RPIA: variants seen among roughly 807,000 people sequenced by gnomAD.
The protein encoded by RPIA is ribose-5-phosphate isomerase.
A neutral mutation model predicts 37.8 loss-of-function variants in RPIA; 29 were observed. The observed-to-expected ratio is 0.77, with a 90% CI of 0.57 to 1.05. RPIA has a LOEUF of 1.05. Ranked by LOEUF, RPIA falls within the 50% of genes least tolerant of loss-of-function variation. RPIA has a pLI of 0.00. For missense variants in RPIA, 385 were observed against 413.6 expected (o/e 0.93, Z 0.60); for synonymous variants, 167 against 157.0 (o/e 1.06, Z -0.48).
At chr2:88,733,452 GGCA>G (rs1673277039) in intron 4 of RPIA, among the ~76,000 whole-genome samples, 1 of 152,210 alleles carries the variant, frequency 6.6e-6, no homozygotes, top group Non-Finnish European at 1.5e-5. Context: ...CAGAGCCAGG[GGCA>G]CAGGCTGATC....
At chr2:88,699,947 T>TA in intron 2 of RPIA, 62 bp from the exon 3 acceptor site, 7 of 1,551,410 alleles carry the variant, frequency 4.5e-6, no homozygotes, top group Non-Finnish European at 5.3e-6. Context: ...AGCAAACACA[T>TA]ATGACAAGAA....
At position 88,729,295 on chromosome 2, in the gene RPIA, G is replaced by C. The variant is rs1345576925; in HGVS notation, c.420G>C (p.Leu140=). 6.2e-7 allele frequency: 1 copy of C among 1,614,200 alleles called. No individual in the cohort carries two copies. The highest frequency in any genetic ancestry group is 8.5e-7 in the Non-Finnish European group (1 of 1,180,020). ...PTSFQARQLI[L]QYGLTLSDLD... is the part of the protein sequence containing the mutation. ...CTCCGCAGGCCCGCCAGCTCATCCT[G>C]CAGTATGGCTTGACCCTCAGTGATC... Residue 140 remains leucine, a synonymous_variant, in exon 4 of 9, where the codon CTG becomes CTC. Transcript: ENST00000283646.
intron 3 of RPIA, among the ~76,000 whole-genome samples, chr2:88,711,058 C>G (rs1326867793): frequency 6.6e-6 from 1 of 152,228 alleles, no homozygotes; most frequent in African/African-American, 2.4e-5. Flanking sequence ...TTTGGAACCA[C>G]TACATGTCAT....
intron 3 of RPIA, among the ~76,000 whole-genome samples, chr2:88,700,550 G>A (rs1194085593): frequency 6.6e-6 from 1 of 152,168 alleles, no homozygotes; most frequent in Non-Finnish European, 1.5e-5. Flanking sequence ...TATGTAGGAG[G>A]CTGAGGCGGG....
At chr2:88,727,965 C>T (rs1673219171) in intron 3 of RPIA, among the ~76,000 whole-genome samples, 1 of 152,146 alleles carries the variant, frequency 6.6e-6, no homozygotes, top group Non-Finnish European at 1.5e-5. Context: ...CTTCCATGTA[C>T]TCAGCATCCA....
intron 1 of RPIA, among the ~76,000 whole-genome samples, chr2:88,698,010 G>A (rs1284264048): frequency 6.6e-6 from 1 of 151,582 alleles, no homozygotes; most frequent in Non-Finnish European, 1.5e-5. Context: ...TTTTTCTTAG[G>A]TGTTTTTCTA....
intron 3 of RPIA, among the ~76,000 whole-genome samples, chr2:88,727,052 T>A (rs1371486279): frequency 2.0e-5 from 3 of 152,168 alleles, no homozygotes; most frequent in Non-Finnish European, 4.4e-5. Flanking sequence ...AGCGATGTGT[T>A]AATGATTGGT....
chr2:88,749,446 G>A (rs896392579), intron 8 of RPIA, among the ~76,000 whole-genome samples: 2 of 152,146 alleles, frequency 1.3e-5, no homozygotes, highest in Non-Finnish European at 1.5e-5. Context: ...TTTCTATGGG[G>A]ATTCTGTCTT....
intron 3 of RPIA, among the ~76,000 whole-genome samples, chr2:88,708,704 G>A (rs979709148): frequency 1.3e-5 from 2 of 152,050 alleles, no homozygotes; most frequent in African/African-American, 4.8e-5. Flanking sequence ...AAAACCAATG[G>A]AAGAGCCTTT....
chr2:88,708,331 A>C (rs1220402667), intron 3 of RPIA, among the ~76,000 whole-genome samples: 1 of 152,172 alleles, frequency 6.6e-6, no homozygotes, highest in East Asian at 1.9e-4. Context: ...CAGCTCCTTC[A>C]AGTTTTGCTG....
Position 88,700,081 on chromosome 2 carries a change from A to G in RPIA, c.402+17A>G, listed in dbSNP as rs369722729. On this transcript the variant is annotated intron_variant, in intron 3 of 8. Transcript: ENST00000283646. ...TCCTTCCAGGTATGTCCTGCTTTCC[A>G]TCTGCATCGTGACAGCTTCTGCTGT... The G allele has an allele frequency of 7.4e-6, 12 of 1,613,446 alleles. No individual in the cohort carries two copies. The East Asian group carries it at 1.1e-4, about 15-fold the overall frequency.
chr2:88,697,832 T>G (rs1672774380), intron 1 of RPIA, among the ~76,000 whole-genome samples: 2 of 152,256 alleles, frequency 1.3e-5, no homozygotes, highest in South Asian at 4.1e-4. Context: ...ACATACTTTA[T>G]TATTTTGAGG....
chr2:88,749,464 A>G (rs1012144420), intron 8 of RPIA, among the ~76,000 whole-genome samples: 1 of 152,054 alleles, frequency 6.6e-6, no homozygotes, highest in African/African-American at 2.4e-5. Flanking sequence ...CTTTTTCTTG[A>G]TGATTTATAA....
chr2:88,703,115 T>A (rs1278876775), intron 3 of RPIA, among the ~76,000 whole-genome samples: 1 of 152,214 alleles, frequency 6.6e-6, no homozygotes, highest in Non-Finnish European at 1.5e-5. Context: ...GCAGTTCCCT[T>A]CCTGTGGCTT....
intron 3 of RPIA, among the ~76,000 whole-genome samples, chr2:88,720,988 G>C (rs998586445): frequency 6.6e-6 from 1 of 152,078 alleles, no homozygotes; most frequent in African/African-American, 2.4e-5. Context: ...ATAATAGACT[G>C]GATAAAGAAA....
intron 8 of RPIA, among the ~76,000 whole-genome samples, chr2:88,747,063 CCAT>C (rs982148916): frequency 5.3e-5 from 8 of 152,118 alleles, no homozygotes; most frequent in African/African-American, 1.7e-4. Flanking sequence ...TAGAGAAAAA[CCAT>C]CAGGTTAGGG....
chr2:88,738,254 C>T (rs534079393), intron 8 of RPIA, among the ~76,000 whole-genome samples, 178 bp downstream of exon 8: 1 of 152,330 alleles, frequency 6.6e-6, no homozygotes, highest in Non-Finnish European at 1.5e-5. Flanking sequence ...ATTCCCTTCC[C>T]CCAACAATTG....
chr2:88,714,541 T>A (rs1280906214), intron 3 of RPIA, among the ~76,000 whole-genome samples: 1 of 152,192 alleles, frequency 6.6e-6, no homozygotes, highest in Non-Finnish European at 1.5e-5. Context: ...GGATTGTCTG[T>A]CAGGCCATTA....
rs1182660536 is a variant in RPIA, at chr2:88,736,622, T to C, written c.684T>C (p.Ala228=). 2 of 1,614,090 alleles carry C rather than the reference T, an allele frequency of 1.2e-6. No individual in the cohort carries two copies. Among genetic ancestry groups the C allele is most frequent in the South Asian group, 1.1e-5 (1 of 91,078 alleles). Residue 228 remains alanine (A), a synonymous_variant, in exon 7 of 9, where the codon GCT becomes GCC. Coordinates refer to ENST00000283646, the MANE Select transcript of RPIA (RefSeq NM_144563.3). ...TGGCCTATGTCCCAGTGAGCCGAGC[T>C]GTGAGCCAGAAGTTTGGGGGCGTGG... is the stretch of plus-strand genomic sequence containing the variant. ...IPMAYVPVSR[A]VSQKFGGVVE...
Sources: gnomAD v4.1 joint callset for allele counts (sites outside exome capture counted in the v4.1 genomes callset) on GRCh38, gnomAD v4.1.1 for gene constraint, MANE v1.5 for transcripts, NCBI Gene and HGNC (gene_info 2026-07-23, HGNC 2026-07-21) for gene names.